TMTC4: variants seen among roughly 807,000 people sequenced by gnomAD.
TMTC4 encodes transmembrane O-mannosyltransferase targeting cadherins 4.
Under a neutral mutation model 86.0 loss-of-function variants are expected in TMTC4, and 65 were observed. The ratio of observed to expected loss-of-function variants is 0.76; its 90% CI spans 0.62 to 0.93. TMTC4 has a LOEUF of 0.93. TMTC4 is among the 40% of genes least tolerant of loss of function. The pLI is 0.00. For missense variants in TMTC4, 866 were observed against 948.1 expected, an observed-to-expected ratio of 0.91 and a Z score of 1.14; for synonymous variants, 379 against 382.5, an observed-to-expected ratio of 0.99 and a Z score of 0.11.
At chr13:100,654,588 G>A (rs1884844816) in intron 6 of TMTC4, among the ~76,000 whole-genome samples, 2 of 151,808 alleles carry the variant, frequency 1.3e-5, no homozygotes, top group South Asian at 2.1e-4. Flanking sequence ...AAATATATAT[G>A]TAATATATAT....
chr13:100,663,801 C>T (rs140029323), intron 4 of TMTC4, among the ~76,000 whole-genome samples: 37 of 152,256 alleles, frequency 2.4e-4, no homozygotes, highest in Admixed American at 1.4e-3. Context: ...CTATTAAGTG[C>T]AAGTGGCTCC....
chr13:100,654,092 A>G (rs1884777037), intron 6 of TMTC4, among the ~76,000 whole-genome samples: 1 of 152,222 alleles, frequency 6.6e-6, no homozygotes, highest in Non-Finnish European at 1.5e-5. Flanking sequence ...CTTGTAGACA[A>G]GAGGTCAACA....
At chr13:100,647,414 C>T (rs569445766) in intron 6 of TMTC4, among the ~76,000 whole-genome samples, 3 of 152,212 alleles carry the variant, frequency 2.0e-5, no homozygotes, top group African/African-American at 7.2e-5. Flanking sequence ...ACACCCTCCA[C>T]CCCACCCCAT....
chr13:100,670,430 A>G lies in TMTC4; in HGVS notation c.-68T>C. 1 of 1,548,822 alleles carries G rather than the reference A, an allele frequency of 6.5e-7. No homozygotes were observed. The highest frequency in any genetic ancestry group is 1.9e-5 in the Admixed American group (1 of 53,458). On this transcript the variant is annotated 5_prime_UTR_variant, in exon 2 of 19. Coordinates refer to ENST00000342624, the MANE Select transcript of TMTC4 (RefSeq NM_032813.5). Reference sequence around the variant, plus strand: ...CAGATTTACAATCCAGAGATGAAACAGGCCGCAACTCTTCCACTGCTTGTC... The same window carrying G: ...CAGATTTACAATCCAGAGATGAAACGGGCCGCAACTCTTCCACTGCTTGTC...
chr13:100,657,724 T>A (rs548541687), intron 5 of TMTC4, among the ~76,000 whole-genome samples: 12 of 152,348 alleles, frequency 7.9e-5, no homozygotes, highest in African/African-American at 2.6e-4. Flanking sequence ...AATAAAGGAC[T>A]CTTCTATAAA....
At chr13:100,622,746 C>A (rs1879729665) in intron 15 of TMTC4, among the ~76,000 whole-genome samples, 1 of 152,128 alleles carries the variant, frequency 6.6e-6, no homozygotes, top group South Asian at 2.1e-4. Flanking sequence ...CTCATACATG[C>A]AACCACTTCA....
In TMTC4 at chr13:100,637,676, GCCCCC is replaced by G; in HGVS notation, c.856_860del (p.Gly286ProfsTer41). On this transcript the variant is annotated frameshift_variant, in exon 9 of 19. Coordinates refer to ENST00000342624, the MANE Select transcript of TMTC4 (RefSeq NM_032813.5). LOFTEE classifies it high-confidence loss of function. ...TGAGCAGGGTCATTCTGAAGAGGAG[GCCCCC>G]GTTCCTGAGCATGCCGAGATTCTGC... 7 of 1,614,048 alleles carry G rather than the reference GCCCCC, an allele frequency of 4.3e-6. No homozygotes were observed. The highest frequency in any genetic ancestry group is 5.9e-6 in the Non-Finnish European group (7 of 1,179,988).
At chr13:100,673,716 G>A (rs540082056) in intron 1 of TMTC4, among the ~76,000 whole-genome samples, 6 of 152,246 alleles carry the variant, frequency 3.9e-5, no homozygotes, top group Non-Finnish European at 7.3e-5. Context: ...AAGAATGTGT[G>A]TGGTTTGATA....
intron 15 of TMTC4, among the ~76,000 whole-genome samples, chr13:100,619,670 G>A (rs866599671): frequency 6.6e-6 from 1 of 152,304 alleles, no homozygotes; most frequent in Middle Eastern, 3.4e-3. Context: ...GATGTTGTGG[G>A]AATTTCTCAT....
At chr13:100,636,452 TA>T in intron 10 of TMTC4, 79 bp downstream of exon 10, 1 of 1,520,714 alleles carries the variant, frequency 6.6e-7, no homozygotes, top group Non-Finnish European at 9.1e-7. Context: ...CACAAAATCA[TA>T]AAAATGATCA....
chr13:100,637,208 C>T (rs1882359076), intron 9 of TMTC4, among the ~76,000 whole-genome samples: 1 of 152,240 alleles, frequency 6.6e-6, no homozygotes, highest in South Asian at 2.1e-4. Context: ...AAAGATACCA[C>T]CAAGAAGGTT....
chr13:100,637,427 A>C, intron 9 of TMTC4, 111 bp downstream of exon 9: 1 of 1,369,516 alleles, frequency 7.3e-7, no homozygotes, highest in South Asian at 1.4e-5. Flanking sequence ...TGGCGCGTGT[A>C]TTGGGGATTT....
chr13:100,606,631 CAG>C (rs1221322104), intron 17 of TMTC4, among the ~76,000 whole-genome samples: 5 of 152,164 alleles, frequency 3.3e-5, no homozygotes, highest in Non-Finnish European at 5.9e-5. Context: ...GTGGTGGCCG[CAG>C]AGAGGGGATG....
intron 12 of TMTC4, among the ~76,000 whole-genome samples, chr13:100,630,245 T>C (rs941238347): frequency 5.9e-5 from 9 of 152,122 alleles, no homozygotes; most frequent in African/African-American, 2.2e-4. Context: ...TCGTCAAACA[T>C]ACTTAGATTT....
At chr13:100,657,798 T>G (rs570478434) in intron 5 of TMTC4, among the ~76,000 whole-genome samples, 2 of 152,336 alleles carry the variant, frequency 1.3e-5, no homozygotes, top group East Asian at 3.9e-4. Flanking sequence ...CTCAAGTTCA[T>G]GTGCAGTCAA....
At chr13:100,617,474 A>AT (rs1878689565) in intron 15 of TMTC4, among the ~76,000 whole-genome samples, 1 of 152,156 alleles carries the variant, frequency 6.6e-6, no homozygotes. Flanking sequence ...TTGCATTTAA[A>AT]TTTTTAATCT....
At chr13:100,651,834 C>T (rs1338586722) in intron 6 of TMTC4, among the ~76,000 whole-genome samples, 2 of 152,106 alleles carry the variant, frequency 1.3e-5, no homozygotes, top group Non-Finnish European at 2.9e-5. Flanking sequence ...ACCAGGGTTA[C>T]GTTAAACCTG....
At chr13:100,647,231 C>T (rs1321954008) in intron 6 of TMTC4, among the ~76,000 whole-genome samples, 2 of 152,162 alleles carry the variant, frequency 1.3e-5, no homozygotes, top group Admixed American at 6.5e-5. Context: ...TAATTATAAA[C>T]GACCTGATTA....
At chr13:100,615,448 G>GT (rs1878333029) in intron 15 of TMTC4, among the ~76,000 whole-genome samples, 1 of 141,904 alleles carries the variant, frequency 7.0e-6, no homozygotes, top group Non-Finnish European at 1.5e-5. Flanking sequence ...GCGTATGTAC[G>GT]TATTTAGAAA....
Sources: gnomAD v4.1 joint callset for allele counts (sites outside exome capture counted in the v4.1 genomes callset) on GRCh38, gnomAD v4.1.1 for gene constraint, MANE v1.5 for transcripts, NCBI Gene and HGNC (gene_info 2026-07-23, HGNC 2026-07-21) for gene names.